The following CCDC71L variants were observed in gnomAD, a reference collection of about 807,000 sequenced individuals.
CCDC71L encodes coiled-coil domain-containing protein 71L.
CCDC71L carries 6 observed loss-of-function variants against 10.2 expected under a neutral mutation model. The ratio of observed to expected loss-of-function variants is 0.59; its 90% CI spans 0.32 to 1.16. The LOEUF is 1.16. Ranked by LOEUF, CCDC71L falls within the 50% of genes most tolerant of loss-of-function variation. CCDC71L has a pLI of 0.05. For missense variants in CCDC71L, 366 were observed against 383.4 expected, an observed-to-expected ratio of 0.95 and a Z score of 0.38; for synonymous variants, 204 against 175.5, an observed-to-expected ratio of 1.16 and a Z score of -1.28.
chr7:106,660,532 C>T lies in CCDC71L; in HGVS notation c.365G>A (p.Arg122His), dbSNP rs1348098805. Residue 122 changes from arginine (R) to histidine (H), a missense_variant, in exon 1 of 1, where the codon CGC becomes CAC. Coordinates refer to ENST00000523505, the MANE Select transcript of CCDC71L (RefSeq NM_175884.6). The surrounding 1 kb of genome is among the most constrained non-coding windows in gnomAD (Gnocchi z 7.5). ...PGPPTARGQARRPVPRAAARR... is the reference protein window; with the variant it reads ...PGPPTARGQAHRPVPRAAARR... ...GGCCGCTGCGCGCGGAACCGGCCGGCGCGCCTGGCCGCGGGCTGTAGGGGG... is the reference window on the plus strand; with the variant it reads ...GGCCGCTGCGCGCGGAACCGGCCGGTGCGCCTGGCCGCGGGCTGTAGGGGG... 5.5e-6 allele frequency: 8 copies of T among 1,457,328 alleles called. No homozygotes were observed. Among genetic ancestry groups the T allele is most frequent in the Non-Finnish European group, 6.4e-6 (7 of 1,100,834 alleles). The allele number at this position is 1,457,328 out of a possible 1,614,324, so 90.3% of individuals were successfully genotyped here. A position where few individuals can be genotyped will look rare whatever the true frequency, so the allele number is the denominator to read the frequency against.
rs930276004 is a variant in CCDC71L at position 106,660,473 on chromosome 7, C to T, written c.424G>A (p.Ala142Thr). The change falls in exon 1 of 1, where the codon GCC (alanine) becomes ACC (threonine). Residue 142 changes from alanine to threonine, a missense_variant. Transcript: ENST00000523505. This position sits in a 1 kb window ranked among gnomAD's most constrained non-coding sequence, Gnocchi z 7.5. ...RRRRGARAAA[A>T]RRRKPRPPPP... ...GGCGGCCGGGGCTTCCTCCTGCGGGCAGCGGCCGCCCGGGCTCCGCGGCGC... is the reference window on the plus strand; with the variant it reads ...GGCGGCCGGGGCTTCCTCCTGCGGGTAGCGGCCGCCCGGGCTCCGCGGCGC... 5.9e-5 allele frequency: 72 copies of T among 1,224,304 alleles called. No individual in the cohort carries two copies. The highest frequency in any genetic ancestry group is 6.9e-5 in the Non-Finnish European group (68 of 984,726). 75.8% of individuals were successfully genotyped at this position (1,224,304 alleles called of 1,614,324 possible). A position where few individuals can be genotyped will look rare whatever the true frequency, so the allele number is the denominator to read the frequency against.
rs1420090503 is a variant in CCDC71L at position 106,660,534 on chromosome 7, C to T, written c.363G>A (p.Ala121=). ...PPGPPTARGQ[A]RRPVPRAAAR... is the part of the protein sequence containing the mutation. ...CCGCTGCGCGCGGAACCGGCCGGCG[C>T]GCCTGGCCGCGGGCTGTAGGGGGCC... The change falls in exon 1 of 1, where the codon GCG becomes GCA. Residue 121 remains alanine, a synonymous_variant. Coordinates refer to ENST00000523505, the MANE Select transcript of CCDC71L (RefSeq NM_175884.6). This position sits in a 1 kb window ranked among gnomAD's most constrained non-coding sequence, Gnocchi z 7.5. The T allele has an allele frequency of 4.8e-6, 7 of 1,461,550 alleles. No homozygotes were observed. The highest frequency in any genetic ancestry group is 5.4e-6 in the Non-Finnish European group (6 of 1,103,304). 90.5% of individuals were successfully genotyped at this position (1,461,550 alleles called of 1,614,324 possible).
rs926457710 is a variant in CCDC71L at position 106,655,581 on chromosome 7, T to C, written c.*4608A>G. Among the ~76,000 whole-genome samples the C allele has an allele frequency of 2.6e-5, 4 of 152,222 alleles. No individual in the cohort carries two copies. Among genetic ancestry groups the C allele is most frequent in the Admixed American group, 6.5e-5 (1 of 15,280 alleles). ...TTACTGAGCTTACTCTAAGCAAATA[T>C]GTAGTCCAAAACTTTTGTAAGTTCT... On this transcript the variant is annotated 3_prime_UTR_variant, in exon 1 of 1. Coordinates refer to ENST00000523505, the MANE Select transcript of CCDC71L (RefSeq NM_175884.6).
At position 106,654,473 on chromosome 7, in the gene CCDC71L, T is replaced by C. The variant is rs1406964160; in HGVS notation, c.*5716A>G. ...GGAATATTCACACAGTGGAATTCTA[T>C]ACACCAATGAGAATAAATGATCTAC... On this transcript the variant is annotated 3_prime_UTR_variant, in exon 1 of 1. Transcript: ENST00000523505. 6.6e-6 allele frequency among the ~76,000 whole-genome samples: 1 copy of C among 151,984 alleles called. No individual in the cohort carries two copies. The highest frequency in any genetic ancestry group is 1.9e-4 in the East Asian group (1 of 5,196).
rs781041861 is a variant in CCDC71L, at chr7:106,660,530, G to A, written c.367C>T (p.Arg123Trp). ...CTGGCCGCTGCGCGCGGAACCGGCC[G>A]GCGCGCCTGGCCGCGGGCTGTAGGG... ...GPPTARGQAR[R>W]PVPRAAARRR... Residue 123 changes from arginine to tryptophan, a missense_variant, in exon 1 of 1, where the codon CGG becomes TGG. Coordinates refer to ENST00000523505, the MANE Select transcript of CCDC71L (RefSeq NM_175884.6). The surrounding 1 kb of genome is among the most constrained non-coding windows in gnomAD (Gnocchi z 7.5). The A allele has an allele frequency of 2.0e-4, 292 of 1,455,462 alleles. No individual in the cohort carries two copies. Among genetic ancestry groups the A allele is most frequent in the Non-Finnish European group, 2.5e-4 (277 of 1,099,674 alleles). 90.2% of individuals were successfully genotyped at this position (1,455,462 alleles called of 1,614,324 possible). A position where few individuals can be genotyped will look rare whatever the true frequency, so the allele number is the denominator to read the frequency against.
Position 106,660,476 on chromosome 7 carries a change from C to T in CCDC71L, c.421G>A (p.Ala141Thr). ...GGCCGGGGCTTCCTCCTGCGGGCAG[C>T]GGCCGCCCGGGCTCCGCGGCGCCTC... The part of the protein sequence containing the change: ...RRRRRGARAA[A>T]ARRRKPRPPP... The change falls in exon 1 of 1, where the codon GCT becomes ACT. Residue 141 changes from alanine (A) to threonine (T), a missense_variant. Ala to Thr is a moderately conservative substitution (Grantham distance 58, BLOSUM62 0). Transcript: ENST00000523505. This position sits in a 1 kb window ranked among gnomAD's most constrained non-coding sequence, Gnocchi z 7.5. 1 of 1,222,742 alleles carries T rather than the reference C, an allele frequency of 8.2e-7. No homozygotes were observed. Among genetic ancestry groups the T allele is most frequent in the Non-Finnish European group, 1.0e-6 (1 of 983,408 alleles). The allele number at this position is 1,222,742 out of a possible 1,614,324, so 75.7% of individuals were successfully genotyped here. A position where few individuals can be genotyped will look rare whatever the true frequency, so the allele number is the denominator to read the frequency against.
At position 106,656,497 on chromosome 7, in the gene CCDC71L, T is replaced by A. The variant is rs560704116; in HGVS notation, c.*3692A>T. On this transcript the variant is annotated 3_prime_UTR_variant, in exon 1 of 1. Coordinates refer to ENST00000523505, the MANE Select transcript of CCDC71L (RefSeq NM_175884.6). ...TTAGAGAATTCTGAATTTTGATGCA[T>A]TTTTTTTTTGTAGGATATTTTATTG... 6.1e-5 allele frequency among the ~76,000 whole-genome samples: 9 copies of A among 148,338 alleles called. No individual in the cohort carries two copies. Among genetic ancestry groups the A allele is most frequent in the Non-Finnish European group, 1.0e-4 (7 of 66,878 alleles).
At position 106,660,753 on chromosome 7, in the gene CCDC71L, C is replaced by G. The variant is rs1271669836; in HGVS notation, c.144G>C (p.Ser48=). 13 of 1,559,686 alleles carry G rather than the reference C, an allele frequency of 8.3e-6. No individual in the cohort carries two copies. The highest frequency in any genetic ancestry group is 1.4e-5 in the African/African-American group (1 of 73,300). ...EKVVYSRSQL[S]LADSTKALGD... ...CCAGCGCCTTGGTGCTGTCAGCCAG[C>G]GACAGTTGCGACCGCGAGTACACCA... Residue 48 remains serine, a synonymous_variant, in exon 1 of 1, where the codon TCG becomes TCC. Coordinates refer to ENST00000523505, the MANE Select transcript of CCDC71L (RefSeq NM_175884.6). The surrounding 1 kb of genome is among the most constrained non-coding windows in gnomAD (Gnocchi z 7.5).
At position 106,660,989 on chromosome 7, in the gene CCDC71L, G is replaced by A; in HGVS notation, c.-93C>T. The A allele has an allele frequency of 7.7e-7, 1 of 1,291,952 alleles. No individual in the cohort carries two copies. Among genetic ancestry groups the A allele is most frequent in the East Asian group, 3.2e-5 (1 of 31,264 alleles). The allele number at this position is 1,291,952 out of a possible 1,614,324, so 80.0% of individuals were successfully genotyped here. Reference sequence around the variant, plus strand: ...TGGCTCCGCGGCGGCGGCTGCTGCTGGCGTCTCTCGCTACTTTTCTCGCCT... The same window carrying A: ...TGGCTCCGCGGCGGCGGCTGCTGCTAGCGTCTCTCGCTACTTTTCTCGCCT... On this transcript the variant is annotated 5_prime_UTR_variant, in exon 1 of 1. Transcript: ENST00000523505. This position sits in a 1 kb window ranked among gnomAD's most constrained non-coding sequence, Gnocchi z 7.5.
rs1392889698 is a variant in CCDC71L at position 106,655,202 on chromosome 7, G to T, written c.*4987C>A. Among the ~76,000 whole-genome samples the T allele has an allele frequency of 2.6e-5, 4 of 152,190 alleles. No homozygotes were observed. Among genetic ancestry groups the T allele is most frequent in the Non-Finnish European group, 4.4e-5 (3 of 67,976 alleles). On this transcript the variant is annotated 3_prime_UTR_variant, in exon 1 of 1. Transcript: ENST00000523505. ...TTACTTCTGTGAAATCTGCAATTAGGCTCAATTTTTAGCTTCTTGTTCTTG... is the reference window on the plus strand; with the variant it reads ...TTACTTCTGTGAAATCTGCAATTAGTCTCAATTTTTAGCTTCTTGTTCTTG...
Position 106,660,155 on chromosome 7 carries a change from C to T in CCDC71L, c.*34G>A, listed in dbSNP as rs764815480. 7 of 1,491,486 alleles carry T rather than the reference C, an allele frequency of 4.7e-6. No individual in the cohort carries two copies. The highest frequency in any genetic ancestry group is 2.6e-5 in the South Asian group (2 of 78,192). The allele number at this position is 1,491,486 out of a possible 1,614,324, so 92.4% of individuals were successfully genotyped here. Reference sequence around the variant, plus strand: ...CCGGGCGGAAGGCCTGTCCCAAGGTCGGGGCCGGCAGGAGGCGCCCTGGAG... The same window carrying T: ...CCGGGCGGAAGGCCTGTCCCAAGGTTGGGGCCGGCAGGAGGCGCCCTGGAG... On this transcript the variant is annotated 3_prime_UTR_variant, in exon 1 of 1. Transcript: ENST00000523505. The surrounding 1 kb of genome is among the most constrained non-coding windows in gnomAD (Gnocchi z 7.5).
rs1210072165 is a variant in CCDC71L, at chr7:106,660,850, G to T, written c.47C>A (p.Pro16Gln). The change falls in exon 1 of 1, where the codon CCG (proline) becomes CAG (glutamine). Residue 16 changes from proline (P) to glutamine (Q), a missense_variant. Transcript: ENST00000523505. The surrounding 1 kb of genome is among the most constrained non-coding windows in gnomAD (Gnocchi z 7.5). Reference sequence around the variant, plus strand: ...GTCGCCGCCCCGGGCGGCCGTGGCCGGGGCGACCGGGCGCCGGCGCCGCCG... The same window carrying T: ...GTCGCCGCCCCGGGCGGCCGTGGCCTGGGCGACCGGGCGCCGGCGCCGCCG... Reference protein sequence around the residue: ...KRRRRRRPVAPATAARGGDFR... With the variant: ...KRRRRRRPVAQATAARGGDFR... 1.3e-6 allele frequency: 2 copies of T among 1,485,114 alleles called. No homozygotes were observed. The highest frequency in any genetic ancestry group is 8.9e-7 in the Non-Finnish European group (1 of 1,123,650). 92.0% of individuals were successfully genotyped at this position (1,485,114 alleles called of 1,614,324 possible). A position where few individuals can be genotyped will look rare whatever the true frequency, so the allele number is the denominator to read the frequency against.
rs961047364 is a variant in CCDC71L at position 106,659,948 on chromosome 7, C to T, written c.*241G>A. On this transcript the variant is annotated 3_prime_UTR_variant, in exon 1 of 1. Transcript: ENST00000523505. ...GACCTCCCCTGCGGGTCCAGCTGTC[C>T]CCTCCCTCCGCAGGCCGGGTACGGG... is the stretch of plus-strand genomic sequence containing the variant. 5 of 514,034 alleles carry T rather than the reference C, an allele frequency of 9.7e-6. No homozygotes were observed. The Admixed American group carries it at 2.0e-4, about 21-fold the overall frequency. 31.8% of individuals were successfully genotyped at this position (514,034 alleles called of 1,614,324 possible). A position where few individuals can be genotyped will look rare whatever the true frequency, so the allele number is the denominator to read the frequency against.
rs1792522806 is a variant in CCDC71L, at chr7:106,658,176, G to T, written c.*2013C>A. On this transcript the variant is annotated 3_prime_UTR_variant, in exon 1 of 1. Coordinates refer to ENST00000523505, the MANE Select transcript of CCDC71L (RefSeq NM_175884.6). ...ATGCATCTGAAATACAATTGGCAAT[G>T]GAAGCTAATAACCAAAAGATATGTC... is the stretch of plus-strand genomic sequence containing the variant. The T allele has an allele frequency of 6.6e-6, 1 of 152,030 alleles. No homozygotes were observed. Among genetic ancestry groups the T allele is most frequent in the Non-Finnish European group, 1.5e-5 (1 of 67,984 alleles). The allele number at this position is 152,030 out of a possible 1,614,324, so 9.4% of individuals were successfully genotyped here.
rs1792465189 is a variant in CCDC71L at position 106,654,845 on chromosome 7, C to A, written c.*5344G>T. ...TTTTTTTACTCTGTAAGATTTAGAA[C>A]CCTAAGCCACACTCTTTTTTTTTCT... On this transcript the variant is annotated 3_prime_UTR_variant, in exon 1 of 1. Transcript: ENST00000523505. Among the ~76,000 whole-genome samples the A allele has an allele frequency of 6.6e-6, 1 of 151,808 alleles. No individual in the cohort carries two copies. Among genetic ancestry groups the A allele is most frequent in the Non-Finnish European group, 1.5e-5 (1 of 67,958 alleles).
rs1259326884 is a variant in CCDC71L at position 106,660,390 on chromosome 7, C to T, written c.507G>A (p.Gly169=). ...CCAAGGTGCGGCCCCCGAAGCAGGG[C>T]CCGGGGGCCACGGGCTTGGCCGGGC... is the stretch of plus-strand genomic sequence containing the variant. ...ESCPAKPVAP[G]PCFGGRTLEE... Residue 169 remains glycine, a synonymous_variant, in exon 1 of 1, where the codon GGG becomes GGA. Coordinates refer to ENST00000523505, the MANE Select transcript of CCDC71L (RefSeq NM_175884.6). The surrounding 1 kb of genome is among the most constrained non-coding windows in gnomAD (Gnocchi z 7.5). 1 of 1,335,498 alleles carries T rather than the reference C, an allele frequency of 7.5e-7. No individual in the cohort carries two copies. The allele number at this position is 1,335,498 out of a possible 1,614,324, so 82.7% of individuals were successfully genotyped here. A position where few individuals can be genotyped will look rare whatever the true frequency, so the allele number is the denominator to read the frequency against.
chr7:106,660,167 G>T lies in CCDC71L; in HGVS notation c.*22C>A. 1.3e-6 allele frequency: 2 copies of T among 1,512,030 alleles called. No individual in the cohort carries two copies. Among genetic ancestry groups the T allele is most frequent in the Admixed American group, 2.1e-5 (1 of 47,940 alleles). 93.7% of individuals were successfully genotyped at this position (1,512,030 alleles called of 1,614,324 possible). On this transcript the variant is annotated 3_prime_UTR_variant, in exon 1 of 1. Transcript: ENST00000523505. The surrounding 1 kb of genome is among the most constrained non-coding windows in gnomAD (Gnocchi z 7.5). ...CCTGTCCCAAGGTCGGGGCCGGCAGGAGGCGCCCTGGAGGCCGCACCTCAT... is the reference window on the plus strand; with the variant it reads ...CCTGTCCCAAGGTCGGGGCCGGCAGTAGGCGCCCTGGAGGCCGCACCTCAT...
rs1395489254 is a variant in CCDC71L at position 106,658,938 on chromosome 7, T to A, written c.*1251A>T. 1 of 152,234 alleles carries A rather than the reference T, an allele frequency of 6.6e-6. No homozygotes were observed. Among genetic ancestry groups the A allele is most frequent in the African/African-American group, 2.4e-5 (1 of 41,426 alleles). 9.4% of individuals were successfully genotyped at this position (152,234 alleles called of 1,614,324 possible). On this transcript the variant is annotated 3_prime_UTR_variant, in exon 1 of 1. Transcript: ENST00000523505. ...AAATCAACTAAAAATCAACTAATTT[T>A]CATTATGTTTGTAAAACTGATGAAT...
At position 106,660,988 on chromosome 7, in the gene CCDC71L, T is replaced by C. The variant is rs1441526709; in HGVS notation, c.-92A>G. On this transcript the variant is annotated 5_prime_UTR_variant, in exon 1 of 1. Coordinates refer to ENST00000523505, the MANE Select transcript of CCDC71L (RefSeq NM_175884.6). The surrounding 1 kb of genome is among the most constrained non-coding windows in gnomAD (Gnocchi z 7.5). ...TTGGCTCCGCGGCGGCGGCTGCTGC[T>C]GGCGTCTCTCGCTACTTTTCTCGCC... is the stretch of plus-strand genomic sequence containing the variant. The C allele has an allele frequency of 1.5e-6, 2 of 1,292,044 alleles. No individual in the cohort carries two copies. The highest frequency in any genetic ancestry group is 3.2e-5 in the East Asian group (1 of 31,236). 80.0% of individuals were successfully genotyped at this position (1,292,044 alleles called of 1,614,324 possible).
Sources: gnomAD v4.1 joint callset for allele counts (sites outside exome capture counted in the v4.1 genomes callset) on GRCh38, gnomAD v4.1.1 for gene constraint, Gnocchi (gnomAD v3.1) non-coding constraint, MANE v1.5 for transcripts, NCBI Gene and HGNC (gene_info 2026-07-23, HGNC 2026-07-21) for gene names.